Variants in LLPH observed in about 807,000 individuals in gnomAD.
LLPH encodes the protein LLP homolog, long-term synaptic facilitation factor.
LLPH carries 5 observed loss-of-function variants against 13.3 expected under a neutral mutation model. That is an observed-to-expected ratio of 0.38 (90% CI 0.20 to 0.79). The LOEUF (loss-of-function observed/expected upper bound fraction) is 0.79. LLPH is among the 30% of genes least tolerant of loss of function. LLPH has a pLI of 0.45. For synonymous variants in LLPH, 32 were observed against 44.2 expected (o/e 0.72, Z 1.09); for missense variants, 129 against 152.1 (o/e 0.85, Z 0.80).
intron 2 of LLPH, among the ~76,000 whole-genome samples, chr12:66,125,008 G>A (rs1282007804): frequency 5.3e-5 from 8 of 152,144 alleles, no homozygotes; most frequent in Non-Finnish European, 1.2e-4. Flanking sequence ...TTGTGGGCTT[G>A]GTCACGCCTG....
chr12:66,128,874 G>GA (rs1216452238), intron 2 of LLPH, 22 bp downstream of exon 2: 3 of 1,054,976 alleles, frequency 2.8e-6, no homozygotes, highest in South Asian at 1.6e-5. Context: ...AAAAGAGAAA[G>GA]AAAAAGGAGA....
chr12:66,121,594 T>C lies in LLPH; in HGVS notation c.*2246A>G, dbSNP rs1374687710. ...CCTTTTCCAAAAATCATAAAAAATG[T>C]CTACATTAGGCCGGGTGTGGTGGCT... On this transcript the variant is annotated 3_prime_UTR_variant, in exon 3 of 3. Transcript: ENST00000266604. 6.6e-6 allele frequency: 1 copy of C among 151,840 alleles called. No homozygotes were observed. Among genetic ancestry groups the C allele is most frequent in the Non-Finnish European group, 1.5e-5 (1 of 68,000 alleles). The allele number at this position is 151,840 out of a possible 1,614,324, so 9.4% of individuals were successfully genotyped here.
chr12:66,128,665 G>A (rs562676062), intron 2 of LLPH, among the ~76,000 whole-genome samples: 1 of 152,012 alleles, frequency 6.6e-6, no homozygotes, highest in Non-Finnish European at 1.5e-5. Flanking sequence ...AGGCTTGACA[G>A]AATTTTTTTT....
intron 1 of LLPH, 51 bp from the exon 2 acceptor site, chr12:66,129,164 G>A: frequency 8.0e-7 from 1 of 1,250,660 alleles, no homozygotes; most frequent in Non-Finnish European, 1.1e-6. Context: ...ATATAAAAAA[G>A]AAAACAGGCA....
At chr12:66,129,464 C>CA (rs1473876200) in intron 1 of LLPH, among the ~76,000 whole-genome samples, 2 of 151,776 alleles carry the variant, frequency 1.3e-5, no homozygotes, top group Non-Finnish European at 2.9e-5. Flanking sequence ...CAGCTCACTG[C>CA]AACCTCCACC....
At position 66,123,051 on chromosome 12, in the gene LLPH, A is replaced by G. The variant is rs2051473306; in HGVS notation, c.*789T>C. 1 of 144,432 alleles carries G rather than the reference A, an allele frequency of 6.9e-6. No individual in the cohort carries two copies. The highest frequency in any genetic ancestry group is 7.0e-5 in the Admixed American group (1 of 14,312). The allele number at this position is 144,432 out of a possible 1,614,324, so 8.9% of individuals were successfully genotyped here. A position where few individuals can be genotyped will look rare whatever the true frequency, so the allele number is the denominator to read the frequency against. On this transcript the variant is annotated 3_prime_UTR_variant, in exon 3 of 3. Transcript: ENST00000266604. Reference sequence around the variant, plus strand: ...CCTTAAGCATACATGAAAGAAAAAAAAATCAGACTTGAAGATCTACACACA... The same window carrying G: ...CCTTAAGCATACATGAAAGAAAAAAGAATCAGACTTGAAGATCTACACACA...
Position 66,123,431 on chromosome 12 carries a change from T to C in LLPH, c.*409A>G, listed in dbSNP as rs1194940078. ...TGAGCCACCATGCCCAGCCCTAATG[T>C]AGTATTTTTAAATGATATGATTATA... On this transcript the variant is annotated 3_prime_UTR_variant, in exon 3 of 3. Coordinates refer to ENST00000266604, the MANE Select transcript of LLPH (RefSeq NM_032338.4). The C allele has an allele frequency of 1.2e-5, 2 of 165,628 alleles. No individual in the cohort carries two copies. The highest frequency in any genetic ancestry group is 3.5e-4 in the East Asian group (2 of 5,668). 10.3% of individuals were successfully genotyped at this position (165,628 alleles called of 1,614,324 possible). A position where few individuals can be genotyped will look rare whatever the true frequency, so the allele number is the denominator to read the frequency against.
Position 66,120,198 on chromosome 12 carries a change from T to C in LLPH, c.*3642A>G, listed in dbSNP as rs2051454458. The C allele has an allele frequency of 6.6e-6, 1 of 152,230 alleles. No individual in the cohort carries two copies. The highest frequency in any genetic ancestry group is 2.4e-5 in the African/African-American group (1 of 41,466). The allele number at this position is 152,230 out of a possible 1,614,324, so 9.4% of individuals were successfully genotyped here. On this transcript the variant is annotated 3_prime_UTR_variant, in exon 3 of 3. Coordinates refer to ENST00000266604, the MANE Select transcript of LLPH (RefSeq NM_032338.4). ...GCCTAGAGATTTGAGGAGGGTTCTGTACATCATTATTCTACTTAAACCTGC... is the reference window on the plus strand; with the variant it reads ...GCCTAGAGATTTGAGGAGGGTTCTGCACATCATTATTCTACTTAAACCTGC...
At position 66,123,121 on chromosome 12, in the gene LLPH, T is replaced by C. The variant is rs2051473823; in HGVS notation, c.*719A>G. The C allele has an allele frequency of 6.7e-6, 1 of 150,188 alleles. No individual in the cohort carries two copies. The highest frequency in any genetic ancestry group is 1.5e-5 in the Non-Finnish European group (1 of 67,638). 9.3% of individuals were successfully genotyped at this position (150,188 alleles called of 1,614,324 possible). A position where few individuals can be genotyped will look rare whatever the true frequency, so the allele number is the denominator to read the frequency against. ...GAATCAAAGCTCCACACAAGTACTT[T>C]ATAAGATCCATTATTTTTTTTTTTT... On this transcript the variant is annotated 3_prime_UTR_variant, in exon 3 of 3. Coordinates refer to ENST00000266604, the MANE Select transcript of LLPH (RefSeq NM_032338.4).
intron 2 of LLPH, among the ~76,000 whole-genome samples, chr12:66,125,555 T>C (rs1160858457): frequency 2.6e-5 from 4 of 152,050 alleles, no homozygotes; most frequent in Admixed American, 6.5e-5. Context: ...TCCTAAAATA[T>C]CTAAGAATAA....
chr12:66,118,582 C>A lies in LLPH; in HGVS notation c.*5258G>T, dbSNP rs1430781047. ...CTTCCCATTGTGATACAATTGCCTA[C>A]AGTACTCAGTACAGTAACTTGCTTG... On this transcript the variant is annotated 3_prime_UTR_variant, in exon 3 of 3. Coordinates refer to ENST00000266604, the MANE Select transcript of LLPH (RefSeq NM_032338.4). 6.6e-6 allele frequency: 1 copy of A among 152,110 alleles called. No homozygotes were observed. Among genetic ancestry groups the A allele is most frequent in the East Asian group, 1.9e-4 (1 of 5,180 alleles). 9.4% of individuals were successfully genotyped at this position (152,110 alleles called of 1,614,324 possible).
rs1485972395 is a variant in LLPH, at chr12:66,123,266, A to C, written c.*574T>G. Reference sequence around the variant, plus strand: ...CTGCCTCAGCCTCCCGAGTAGCTGGAACTACAGGTGCGCGCCCCCATGCCC... The same window carrying C: ...CTGCCTCAGCCTCCCGAGTAGCTGGCACTACAGGTGCGCGCCCCCATGCCC... On this transcript the variant is annotated 3_prime_UTR_variant, in exon 3 of 3. Transcript: ENST00000266604. 6.6e-6 allele frequency: 1 copy of C among 151,946 alleles called. No homozygotes were observed. The highest frequency in any genetic ancestry group is 2.4e-5 in the African/African-American group (1 of 41,272). The allele number at this position is 151,946 out of a possible 1,614,324, so 9.4% of individuals were successfully genotyped here. A position where few individuals can be genotyped will look rare whatever the true frequency, so the allele number is the denominator to read the frequency against.
chr12:66,122,819 CT>C lies in LLPH; in HGVS notation c.*1020del, dbSNP rs1383546541. ...ACCAAGCATCCAGAGGAAACTGATACTGAAGAACACACTCCGGGGAATGCTG... is the reference window on the plus strand; with the variant it reads ...ACCAAGCATCCAGAGGAAACTGATACGAAGAACACACTCCGGGGAATGCTG... On this transcript the variant is annotated 3_prime_UTR_variant, in exon 3 of 3. Transcript: ENST00000266604. The C allele has an allele frequency of 6.6e-6, 1 of 152,028 alleles. No homozygotes were observed. The highest frequency in any genetic ancestry group is 1.5e-5 in the Non-Finnish European group (1 of 68,008). 9.4% of individuals were successfully genotyped at this position (152,028 alleles called of 1,614,324 possible).
At chr12:66,128,528 C>T (rs2051511587) in intron 2 of LLPH, among the ~76,000 whole-genome samples, 1 of 152,072 alleles carries the variant, frequency 6.6e-6, no homozygotes, top group Admixed American at 6.5e-5. Context: ...ACTGTGTACC[C>T]TTCCAACCAG....
chr12:66,128,865 AAAGAGAAAGAAAAAG>A lies in LLPH; in HGVS notation c.211+16_211+30del. Reference sequence around the variant, plus strand: ...CCCTGCCTCAAAAAAAAAAAAAAAAAAAGAGAAAGAAAAAGGAGAAGCACACTCACCTTTTTCATC... The same window carrying A: ...CCCTGCCTCAAAAAAAAAAAAAAAAAGAGAAGCACACTCACCTTTTTCATC... On this transcript the variant is annotated intron_variant, in intron 2 of 2. Transcript: ENST00000266604. 1 of 1,499,556 alleles carries A rather than the reference AAAGAGAAAGAAAAAG, an allele frequency of 6.7e-7. No individual in the cohort carries two copies. Among genetic ancestry groups the A allele is most frequent in the Non-Finnish European group, 9.1e-7 (1 of 1,097,786 alleles). 92.9% of individuals were successfully genotyped at this position (1,499,556 alleles called of 1,614,324 possible).
intron 1 of LLPH, 150 bp from the exon 2 acceptor site, chr12:66,129,263 T>G (rs1251277330): frequency 9.6e-6 from 6 of 623,142 alleles, no homozygotes; most frequent in African/African-American, 3.7e-5. Context: ...GGACTTAACA[T>G]GCAACTTATA....
chr12:66,117,355 A>G lies in LLPH; in HGVS notation c.*6485T>C, dbSNP rs1288362447. ...GTACAGTCATGCATTGCATGATGACATTTCAGTCAATATAGGCAGTGGTCC... is the reference window on the plus strand; with the variant it reads ...GTACAGTCATGCATTGCATGATGACGTTTCAGTCAATATAGGCAGTGGTCC... On this transcript the variant is annotated 3_prime_UTR_variant, in exon 3 of 3. Coordinates refer to ENST00000266604, the MANE Select transcript of LLPH (RefSeq NM_032338.4). The G allele has an allele frequency of 1.3e-5, 2 of 152,206 alleles. No individual in the cohort carries two copies. Among genetic ancestry groups the G allele is most frequent in the African/African-American group, 4.8e-5 (2 of 41,470 alleles). 9.4% of individuals were successfully genotyped at this position (152,206 alleles called of 1,614,324 possible).
chr12:66,129,974 A>G (rs1208195359), intron 1 of LLPH, among the ~76,000 whole-genome samples: 1 of 151,984 alleles, frequency 6.6e-6, no homozygotes, highest in Non-Finnish European at 1.5e-5. Context: ...TCCCTCATAT[A>G]TATTCAAGAT....
intron 1 of LLPH, among the ~76,000 whole-genome samples, chr12:66,129,390 CT>C (rs35029381): frequency 1.5e-3 from 215 of 143,358 alleles, no homozygotes; most frequent in Admixed American, 2.1e-3. Flanking sequence ...TGTCTTTTTT[CT>C]TTTTTTTTTT....
Sources: gnomAD v4.1 joint callset for allele counts (sites outside exome capture counted in the v4.1 genomes callset) on GRCh38, gnomAD v4.1.1 for gene constraint, MANE v1.5 for transcripts, NCBI Gene and HGNC (gene_info 2026-07-23, HGNC 2026-07-21) for gene names.